The following SNX29 variants were observed in gnomAD, a reference collection of about 807,000 sequenced individuals.
SNX29 encodes sorting nexin-29.
SNX29 carries 78 observed loss-of-function variants against 102.1 expected under a neutral mutation model. That is an observed-to-expected ratio of 0.76 (90% CI 0.64 to 0.92). SNX29 has a LOEUF of 0.92. Among genes scored for constraint, SNX29 ranks in the 40% least tolerant of loss-of-function variants. SNX29 has a pLI of 0.00. For missense variants in SNX29, 1,280 were observed against 1,061.7 expected (o/e 1.21, Z -2.86); for synonymous variants, 580 against 414.5 (o/e 1.40, Z -4.85).
chr16:12,345,638 G>C (rs2081775169), intron 15 of SNX29, among the ~76,000 whole-genome samples: 1 of 152,200 alleles, frequency 6.6e-6, no homozygotes, highest in Non-Finnish European at 1.5e-5. Context: ...CTGTGGAGGA[G>C]GTGGATGAAT....
At chr16:12,168,274 A>T (rs2076063182) in intron 13 of SNX29, among the ~76,000 whole-genome samples, 1 of 152,148 alleles carries the variant, frequency 6.6e-6, no homozygotes. Flanking sequence ...ATGAGGGTGG[A>T]GGGAGGAGCC....
intron 3 of SNX29, among the ~76,000 whole-genome samples, chr16:12,022,668 A>G (rs2057063752): frequency 6.6e-6 from 1 of 152,142 alleles, no homozygotes; most frequent in East Asian, 1.9e-4. Flanking sequence ...TTCTGTTTCT[A>G]TATCCAAATG....
chr16:12,069,201 T>C, intron 10 of SNX29, 69 bp downstream of exon 10: 1 of 1,360,800 alleles, frequency 7.3e-7, no homozygotes, highest in South Asian at 1.3e-5. Context: ...ATTTTATTCT[T>C]TTTTAAAGAT....
intron 11 of SNX29, among the ~76,000 whole-genome samples, chr16:12,091,534 C>G (rs529933626): frequency 6.6e-6 from 1 of 150,994 alleles, no homozygotes; most frequent in African/African-American, 2.4e-5. Flanking sequence ...TGCCTGCAAT[C>G]CCAGCACTTT....
intron 20 of SNX29, among the ~76,000 whole-genome samples, chr16:12,545,255 A>T (rs1159984249): frequency 6.6e-6 from 1 of 152,258 alleles, no homozygotes; most frequent in South Asian, 2.1e-4. Flanking sequence ...AAGTGGCTCC[A>T]AAGAGTACTG....
chr16:12,538,739 ACACCCATATGGGT>A (rs540874477), intron 20 of SNX29, among the ~76,000 whole-genome samples: 90 of 152,332 alleles, frequency 5.9e-4, no homozygotes, highest in Non-Finnish European at 1.1e-3. Flanking sequence ...CAGGAGAAGC[ACACCCATATGGGT>A]ATCATCCAAG....
chr16:12,450,690 A>T (rs1487515694), intron 18 of SNX29, among the ~76,000 whole-genome samples: 1 of 152,172 alleles, frequency 6.6e-6, no homozygotes, highest in Non-Finnish European at 1.5e-5. Context: ...AGCTAGTCAG[A>T]TGGGCTTTGT....
chr16:12,454,826 T>G (rs1247711361), intron 18 of SNX29, among the ~76,000 whole-genome samples: 1 of 151,192 alleles, frequency 6.6e-6, no homozygotes, highest in Non-Finnish European at 1.5e-5. Flanking sequence ...TTCAGGCACT[T>G]CTGCCTCAGC....
At chr16:12,223,386 G>T (rs1037264990) in intron 14 of SNX29, among the ~76,000 whole-genome samples, 1 of 152,142 alleles carries the variant, frequency 6.6e-6, no homozygotes, top group Non-Finnish European at 1.5e-5. Flanking sequence ...ATTAGGCTTC[G>T]CACGGTGGCT....
At chr16:12,094,064 G>A (rs1247178299) in intron 11 of SNX29, among the ~76,000 whole-genome samples, 7 of 152,144 alleles carry the variant, frequency 4.6e-5, no homozygotes, top group African/African-American at 1.7e-4. Context: ...ATCCCTACAT[G>A]TATTAGCAGT....
chr16:12,250,765 C>T (rs2078397762), intron 14 of SNX29, among the ~76,000 whole-genome samples: 1 of 152,200 alleles, frequency 6.6e-6, no homozygotes, highest in African/African-American at 2.4e-5. Flanking sequence ...TGGCTCAGGG[C>T]TGGCTTCCTG....
chr16:12,531,255 A>G (rs928557896), intron 20 of SNX29, among the ~76,000 whole-genome samples: 1 of 152,216 alleles, frequency 6.6e-6, no homozygotes, highest in African/African-American at 2.4e-5. Context: ...ACTTGGCCCT[A>G]TGGTCAGGGC....
intron 14 of SNX29, among the ~76,000 whole-genome samples, chr16:12,227,470 C>G (rs1325815168): frequency 6.6e-6 from 1 of 152,156 alleles, no homozygotes; most frequent in Non-Finnish European, 1.5e-5. Flanking sequence ...GGCTGAAAGG[C>G]ACACAGAAAT....
intron 14 of SNX29, among the ~76,000 whole-genome samples, chr16:12,245,940 G>A (rs551200272): frequency 6.6e-6 from 1 of 152,308 alleles, no homozygotes; most frequent in African/African-American, 2.4e-5. Context: ...TTAAGCCCCA[G>A]AATCATCTTC....
rs142719950 is a variant in SNX29, at chr16:12,198,095, C to G, written c.1596-1506C>G. ...TGCATTATTAAGTGAGACGACCAGT[C>G]TCAGAAACATTTATACTATCCTGTC... On this transcript the variant is annotated intron_variant, in intron 13 of 20. Coordinates refer to ENST00000566228, the MANE Select transcript of SNX29 (RefSeq NM_032167.5). 4.5e-3 allele frequency among the ~76,000 whole-genome samples: 687 copies of G among 152,204 alleles called. 7 individuals are homozygous for G. The highest frequency in any genetic ancestry group is 0.016 in the African/African-American group (653 of 41,506).
At chr16:12,429,191 A>T (rs1021194794) in intron 18 of SNX29, among the ~76,000 whole-genome samples, 2 of 152,234 alleles carry the variant, frequency 1.3e-5, no homozygotes, top group African/African-American at 4.8e-5. Flanking sequence ...CACCACACAG[A>T]TATGATTGCA....
At position 12,539,155 on chromosome 16, in the gene SNX29, CTCTTGT is replaced by C. The variant is rs539189874; in HGVS notation, c.2318+14317_2318+14322del. Among the ~76,000 whole-genome samples the C allele has an allele frequency of 1.6e-3, 240 of 152,274 alleles. 2 individuals carry two copies. Among genetic ancestry groups the C allele is most frequent in the African/African-American group, 5.5e-3 (228 of 41,544 alleles). ...ATTTACACAGTGCAATTGACTTTTG[CTCTTGT>C]TCATGTCTGTGAATTTAAACACATG... On this transcript the variant is annotated intron_variant, in intron 20 of 20. Transcript: ENST00000566228.
chr16:12,003,547 T>G (rs1181961704), intron 3 of SNX29, among the ~76,000 whole-genome samples: 1 of 152,184 alleles, frequency 6.6e-6, no homozygotes, highest in Non-Finnish European at 1.5e-5. Flanking sequence ...GATCCGAAAT[T>G]CTATGCGTAT....
chr16:12,426,951 G>A (rs2085105342), intron 18 of SNX29, among the ~76,000 whole-genome samples: 1 of 152,186 alleles, frequency 6.6e-6, no homozygotes, highest in South Asian at 2.1e-4. Flanking sequence ...CAGGGCCCGA[G>A]CCACCATGCC....
Sources: allele counts gnomAD v4.1 joint callset (sites outside exome capture counted in the v4.1 genomes callset), GRCh38; gene constraint gnomAD v4.1.1; transcripts MANE v1.5; gene names NCBI Gene and HGNC (gene_info 2026-07-23, HGNC 2026-07-21).